The following PDSS2 variants were observed in gnomAD, a reference collection of about 807,000 sequenced individuals.
PDSS2 encodes all trans-polyprenyl-diphosphate synthase PDSS2.
PDSS2 carries 31 observed loss-of-function variants against 44.5 expected under a neutral mutation model. The ratio of observed to expected loss-of-function variants is 0.70; its 90% CI spans 0.52 to 0.94. The LOEUF is 0.94. Among genes scored for constraint, PDSS2 ranks in the 40% least tolerant of loss-of-function variants. The probability of loss-of-function intolerance (pLI) is 0.00; values close to 1 mark genes in which losing one functional copy is unlikely to be tolerated. For missense variants in PDSS2, 452 were observed against 482.2 expected, an observed-to-expected ratio of 0.94 and a Z score of 0.59; for synonymous variants, 157 against 180.3, an observed-to-expected ratio of 0.87 and a Z score of 1.03.
intron 1 of PDSS2, among the ~76,000 whole-genome samples, chr6:107,415,794 G>A (rs1780639241): frequency 6.6e-6 from 1 of 152,190 alleles, no homozygotes. Flanking sequence ...GCCACAGGTT[G>A]TTCCTTCTGC....
chr6:107,254,066 C>T lies in PDSS2; in HGVS notation c.631-8447G>A, dbSNP rs532114015. On this transcript the variant is annotated intron_variant, in intron 3 of 7. Transcript: ENST00000369037. ...TTTTTTTTTTTGAGACAGAGTCTCACTCTGTCTCCCAGACTGGAATGCAGT... is the reference window on the plus strand; with the variant it reads ...TTTTTTTTTTTGAGACAGAGTCTCATTCTGTCTCCCAGACTGGAATGCAGT... Among the ~76,000 whole-genome samples, 8 of 146,356 alleles carry T rather than the reference C, an allele frequency of 5.5e-5. No individual in the cohort carries two copies. The South Asian group carries it at 6.5e-4, about 12-fold the overall frequency.
At chr6:107,260,756 C>T (rs1251233608) in intron 3 of PDSS2, among the ~76,000 whole-genome samples, 2 of 149,334 alleles carry the variant, frequency 1.3e-5, no homozygotes, top group African/African-American at 4.9e-5. Context: ...CTCCACCTCC[C>T]GTGTTCAAGC....
At chr6:107,391,078 T>A (rs530139892) in intron 1 of PDSS2, among the ~76,000 whole-genome samples, 13 of 151,290 alleles carry the variant, frequency 8.6e-5, no homozygotes, top group African/African-American at 2.9e-4. Context: ...AGATGATTTG[T>A]GATTAAAAGA....
chr6:107,394,544 C>A (rs1441626865), intron 1 of PDSS2, among the ~76,000 whole-genome samples: 2 of 152,098 alleles, frequency 1.3e-5, no homozygotes, highest in Non-Finnish European at 2.9e-5. Context: ...CAAGATAAAC[C>A]ACCCCCCATG....
chr6:107,421,602 T>A (rs1780824836), intron 1 of PDSS2, among the ~76,000 whole-genome samples: 2 of 151,920 alleles, frequency 1.3e-5, no homozygotes, highest in Admixed American at 1.3e-4. Flanking sequence ...ACTATATGAC[T>A]CCATTTCTAT....
At chr6:107,175,116 GC>G (rs372286485) in intron 7 of PDSS2, among the ~76,000 whole-genome samples, 5 of 152,076 alleles carry the variant, frequency 3.3e-5, no homozygotes, top group African/African-American at 9.6e-5. Flanking sequence ...GGAGGCTGAG[GC>G]AGGAGAATTG....
At chr6:107,436,936 T>C (rs1159031972) in intron 1 of PDSS2, among the ~76,000 whole-genome samples, 1 of 152,196 alleles carries the variant, frequency 6.6e-6, no homozygotes, top group Non-Finnish European at 1.5e-5. Flanking sequence ...ATGATGGTAC[T>C]TGACTGATAC....
In PDSS2 at chr6:107,455,754, C is replaced by CAAA. The variant is rs60783838; in HGVS notation, c.296+3233_296+3235dup. On this transcript the variant is annotated intron_variant, in intron 1 of 7. Coordinates refer to ENST00000369037, the MANE Select transcript of PDSS2 (RefSeq NM_020381.4). ...CTGGCGATAGAGCGAGACTCTGTCT[C>CAAA]AAAAAAAAAAAAAAAAAAAAAAAAA... Among the ~76,000 whole-genome samples the CAAA allele has an allele frequency of 9.3e-3, 516 of 55,706 alleles. 52 individuals carry two copies. Among genetic ancestry groups the CAAA allele is most frequent in the African/African-American group, 0.04 (493 of 12,412 alleles). The allele number at this position is 55,706 out of a possible 152,430, so 36.5% of individuals were successfully genotyped here. A position where few individuals can be genotyped will look rare whatever the true frequency, so the allele number is the denominator to read the frequency against.
chr6:107,360,271 T>G (rs1266358096), intron 1 of PDSS2, among the ~76,000 whole-genome samples: 14 of 152,210 alleles, frequency 9.2e-5, no homozygotes, highest in Non-Finnish European at 2.9e-5. Context: ...CTCTGTCTCA[T>G]GCATCTTCCT....
At chr6:107,174,475 G>A (rs538997908) in intron 7 of PDSS2, among the ~76,000 whole-genome samples, 56 of 152,102 alleles carry the variant, frequency 3.7e-4, no homozygotes, top group Non-Finnish European at 5.6e-4. Flanking sequence ...GAAACTCTTC[G>A]CCAGTGTGAA....
chr6:107,393,237 T>C (rs1779840260), intron 1 of PDSS2, among the ~76,000 whole-genome samples: 1 of 152,156 alleles, frequency 6.6e-6, no homozygotes, highest in African/African-American at 2.4e-5. Flanking sequence ...TTTCTAATTT[T>C]CCATAAAATT....
intron 1 of PDSS2, among the ~76,000 whole-genome samples, chr6:107,376,763 C>T (rs1184806681): frequency 6.6e-6 from 1 of 152,022 alleles, no homozygotes; most frequent in Admixed American, 6.6e-5. Context: ...CTTCTCCTGC[C>T]TAATTGCCCT....
At chr6:107,403,353 C>G (rs1001423400) in intron 1 of PDSS2, among the ~76,000 whole-genome samples, 2 of 152,236 alleles carry the variant, frequency 1.3e-5, no homozygotes, top group Admixed American at 6.5e-5. Context: ...TTGCAGAGGA[C>G]AGCCTCCCTC....
At chr6:107,414,044 T>C in intron 1 of PDSS2, among the ~76,000 whole-genome samples, 1 of 152,340 alleles carries the variant, frequency 6.6e-6, no homozygotes, top group Middle Eastern at 3.4e-3. Context: ...AAAAAGAAAC[T>C]GTCAAAAGTA....
intron 4 of PDSS2, among the ~76,000 whole-genome samples, chr6:107,237,139 C>T (rs755988498): frequency 1.1e-4 from 17 of 152,010 alleles, no homozygotes; most frequent in Non-Finnish European, 2.4e-4. Context: ...TGCCATGTTG[C>T]GTAAGCTGGT....
In PDSS2 at chr6:107,410,051, A is replaced by G. The variant is rs544040387; in HGVS notation, c.296+48939T>C. ...ATGGAGTTTGAGTTAGAGACAAAAAAAGCAAATGCGGCCAACACAGGGAGA... is the reference window on the plus strand; with the variant it reads ...ATGGAGTTTGAGTTAGAGACAAAAAGAGCAAATGCGGCCAACACAGGGAGA... On this transcript the variant is annotated intron_variant, in intron 1 of 7. Coordinates refer to ENST00000369037, the MANE Select transcript of PDSS2 (RefSeq NM_020381.4). 2.6e-5 allele frequency among the ~76,000 whole-genome samples: 4 copies of G among 152,270 alleles called. No individual in the cohort carries two copies. In the South Asian group the frequency reaches 8.3e-4, roughly 32 times the overall value.
intron 4 of PDSS2, among the ~76,000 whole-genome samples, chr6:107,221,874 C>T (rs573543174): frequency 4.6e-5 from 7 of 152,264 alleles, no homozygotes; most frequent in Admixed American, 3.9e-4. Context: ...AAAGCCCCAG[C>T]AAGAACCTGC....
At chr6:107,405,472 G>C (rs949039929) in intron 1 of PDSS2, among the ~76,000 whole-genome samples, 4 of 151,758 alleles carry the variant, frequency 2.6e-5, no homozygotes, top group Non-Finnish European at 5.9e-5. Flanking sequence ...AAAGCAACTA[G>C]ATAACAATCA....
chr6:107,306,982 GTTGTACCTTC>G (rs1261281491), intron 2 of PDSS2, among the ~76,000 whole-genome samples: 1 of 152,084 alleles, frequency 6.6e-6, no homozygotes, highest in Admixed American at 6.6e-5. Flanking sequence ...ATTACTTTTG[GTTGTACCTTC>G]TTCTCTCCCA....
Sources: allele counts gnomAD v4.1 joint callset (sites outside exome capture counted in the v4.1 genomes callset), GRCh38; gene constraint gnomAD v4.1.1; transcripts MANE v1.5; gene names NCBI Gene and HGNC (gene_info 2026-07-23, HGNC 2026-07-21).